CTBS: variants seen among roughly 807,000 people sequenced by gnomAD.
CTBS encodes the protein di-N-acetylchitobiase.
In CTBS, 35 loss-of-function variants were observed where a neutral mutation model predicts 44.3. The ratio of observed to expected loss-of-function variants is 0.79; its 90% CI spans 0.60 to 1.05. The LOEUF (loss-of-function observed/expected upper bound fraction) is 1.05. CTBS is among the 50% of genes least tolerant of loss of function. The pLI is 0.00. For synonymous variants in CTBS, 143 were observed against 168.0 expected (o/e 0.85, Z 1.15); for missense variants, 458 against 475.3 (o/e 0.96, Z 0.34).
rs1199911036 is a variant in CTBS at position 84,561,920 on chromosome 1, A to C, written c.957+1337T>G. On this transcript the variant is annotated intron_variant, in intron 6 of 6. Coordinates refer to ENST00000370630, the MANE Select transcript of CTBS (RefSeq NM_004388.3). Reference sequence around the variant, plus strand: ...TTTTATATGCACAGGGAAACAAAAAATTCATGTCACTTGCTTTATTGCTAT... The same window carrying C: ...TTTTATATGCACAGGGAAACAAAAACTTCATGTCACTTGCTTTATTGCTAT... 4.6e-5 allele frequency among the ~76,000 whole-genome samples: 7 copies of C among 152,320 alleles called. 1 individual carries two copies. The East Asian group carries it at 1.4e-3, about 29-fold the overall frequency.
intron 3 of CTBS, 45 bp downstream of exon 3, chr1:84,569,886 T>G (rs753580679): frequency 6.8e-7 from 1 of 1,460,278 alleles, no homozygotes; most frequent in Non-Finnish European, 9.5e-7. Flanking sequence ...GAGTATATTC[T>G]GATATGGAAA....
At chr1:84,573,940 T>C in intron 1 of CTBS, 1 of 1,299,022 alleles carries the variant, frequency 7.7e-7, no homozygotes, top group Non-Finnish European at 9.8e-7. Context: ...ACACCCAGAG[T>C]GCTTCCGCAG....
chr1:84,567,280 ATTTG>A (rs1159444738), intron 3 of CTBS, among the ~76,000 whole-genome samples: 2 of 152,330 alleles, frequency 1.3e-5, no homozygotes, highest in African/African-American at 4.8e-5. Flanking sequence ...ATTATTACAT[ATTTG>A]TTCCTATTTT....
At position 84,567,216 on chromosome 1, in the gene CTBS, T is replaced by C. The variant is rs184250955; in HGVS notation, c.526-1204A>G. Among the ~76,000 whole-genome samples, 154 of 152,332 alleles carry C rather than the reference T, an allele frequency of 1.0e-3. 1 individual carries two copies. The highest frequency in any genetic ancestry group is 3.6e-3 in the African/African-American group (150 of 41,588). On this transcript the variant is annotated intron_variant, in intron 3 of 6. Transcript: ENST00000370630. ...TATAATTCCGTGAATATTAGCACTT[T>C]ATAATTATAAGCTTTGCTCAGTAGT... is the stretch of plus-strand genomic sequence containing the variant.
chr1:84,555,300 A>G, intron 6 of CTBS, 101 bp from the exon 7 acceptor site: 1 of 863,554 alleles, frequency 1.2e-6, no homozygotes, highest in Non-Finnish European at 1.7e-6. Context: ...GTAAGAGGGA[A>G]AAAAGTTTCC....
intron 1 of CTBS, among the ~76,000 whole-genome samples, chr1:84,572,098 T>C (rs184851323): frequency 7.2e-5 from 11 of 152,282 alleles, no homozygotes; most frequent in African/African-American, 2.4e-4. Flanking sequence ...TGGGAATCAA[T>C]TAGAGTTTTA....
intron 4 of CTBS, among the ~76,000 whole-genome samples, chr1:84,564,717 C>T (rs1023230898): frequency 1.1e-4 from 17 of 152,020 alleles, no homozygotes; most frequent in Non-Finnish European, 1.9e-4. Context: ...ATAATTACTT[C>T]GTAATTTTAA....
Position 84,557,569 on chromosome 1 carries a change from A to G in CTBS, c.958-2370T>C, listed in dbSNP as rs952888493. On this transcript the variant is annotated intron_variant, in intron 6 of 6. Coordinates refer to ENST00000370630, the MANE Select transcript of CTBS (RefSeq NM_004388.3). The stretch of plus-strand genomic sequence containing the variant: ...AAAAAAAAAAGAAAAAAAAAAAAAG[A>G]AGGAGGCTGGGCGCGGTGGCTCACA... Among the ~76,000 whole-genome samples the G allele has an allele frequency of 6.4e-5, 9 of 140,898 alleles. No individual in the cohort carries two copies. In the East Asian group the frequency reaches 6.5e-4, roughly 10 times the overall value. 92.4% of individuals were successfully genotyped at this position (140,898 alleles called of 152,430 possible).
intron 3 of CTBS, chr1:84,566,289 G>A (rs143061732): frequency 3.5e-5 from 6 of 170,764 alleles, no homozygotes; most frequent in Non-Finnish European, 7.4e-5. Flanking sequence ...GTCTTCAAAC[G>A]CTAGGCTGGT....
chr1:84,570,462 T>C, intron 2 of CTBS, 120 bp downstream of exon 2: 1 of 810,334 alleles, frequency 1.2e-6, no homozygotes, highest in Non-Finnish European at 2.0e-6. Context: ...CTAAGATTAA[T>C]TATAGGATCC....
chr1:84,570,758 GAAT>G, intron 1 of CTBS, 38 bp from the exon 2 acceptor site: 2 of 1,600,912 alleles, frequency 1.2e-6, no homozygotes, highest in Non-Finnish European at 1.7e-6. Context: ...TTTAAACCAA[GAAT>G]ATTATGCTGA....
intron 6 of CTBS, among the ~76,000 whole-genome samples, chr1:84,562,297 A>G (rs145874152): frequency 2.2e-4 from 34 of 152,352 alleles, no homozygotes; most frequent in African/African-American, 7.0e-4. Flanking sequence ...AGACTAATAT[A>G]AACACTGTTT....
intron 6 of CTBS, among the ~76,000 whole-genome samples, chr1:84,560,398 C>G (rs79504184): frequency 2.7e-4 from 41 of 152,304 alleles, no homozygotes; most frequent in African/African-American, 9.9e-4. Context: ...TTTTCCCACT[C>G]AGTCTGTTTG....
Position 84,550,516 on chromosome 1 carries a change from ATAG to A in CTBS, c.*4480_*4482del. 1.3e-6 allele frequency: 2 copies of A among 1,546,430 alleles called. No individual in the cohort carries two copies. Among genetic ancestry groups the A allele is most frequent in the South Asian group, 1.2e-5 (1 of 80,564 alleles). The stretch of plus-strand genomic sequence containing the variant: ...ACTAGATACTGACAAAATGAAACTC[ATAG>A]TAGAAGTTAAGGTAATTTACATTTT... On this transcript the variant is annotated 3_prime_UTR_variant, in exon 7 of 7. Coordinates refer to ENST00000370630, the MANE Select transcript of CTBS (RefSeq NM_004388.3).
rs1684718792 is a variant in CTBS, at chr1:84,567,261, T to C, written c.526-1249A>G. Among the ~76,000 whole-genome samples the C allele has an allele frequency of 2.0e-5, 3 of 152,220 alleles. No homozygotes were observed. In the South Asian group the frequency reaches 6.2e-4, roughly 32 times the overall value. On this transcript the variant is annotated intron_variant, in intron 3 of 6. Coordinates refer to ENST00000370630, the MANE Select transcript of CTBS (RefSeq NM_004388.3). Reference sequence around the variant, plus strand: ...AGTAGTTTTCCAACAAAATAAGTTATGAAATAAAATTATTACATATTTGTT... The same window carrying C: ...AGTAGTTTTCCAACAAAATAAGTTACGAAATAAAATTATTACATATTTGTT...
chr1:84,553,278 A>G lies in CTBS; in HGVS notation c.*1721T>C. On this transcript the variant is annotated 3_prime_UTR_variant, in exon 7 of 7. Transcript: ENST00000370630. ...TGGGTATTACAAAATGTTTCAGGAA[A>G]TATTAGATGTAATATAAAGCAAAAT... The G allele has an allele frequency of 4.2e-6, 2 of 470,732 alleles. No individual in the cohort carries two copies. The highest frequency in any genetic ancestry group is 1.1e-3 in the Middle Eastern group (2 of 1,740). The allele number at this position is 470,732 out of a possible 1,614,324, so 29.2% of individuals were successfully genotyped here. A position where few individuals can be genotyped will look rare whatever the true frequency, so the allele number is the denominator to read the frequency against.
intron 6 of CTBS, among the ~76,000 whole-genome samples, chr1:84,557,566 AAG>A (rs1353236450): frequency 1.3e-5 from 2 of 149,832 alleles, no homozygotes; most frequent in African/African-American, 2.5e-5. Flanking sequence ...AAAAAAAAAA[AAG>A]AAGGAGGCTG....
chr1:84,551,583 C>T lies in CTBS; in HGVS notation c.*3416G>A, dbSNP rs1684273525. 6.6e-6 allele frequency: 1 copy of T among 152,124 alleles called. No homozygotes were observed. Among genetic ancestry groups the T allele is most frequent in the South Asian group, 2.1e-4 (1 of 4,828 alleles). 9.4% of individuals were successfully genotyped at this position (152,124 alleles called of 1,614,324 possible). ...ATTTAAGTTTAGTAGTTACATATGG[C>T]AACTGGCTTCTACTATACTGGACAG... On this transcript the variant is annotated 3_prime_UTR_variant, in exon 7 of 7. Transcript: ENST00000370630.
chr1:84,567,325 A>G (rs566646123), intron 3 of CTBS, among the ~76,000 whole-genome samples: 1 of 152,332 alleles, frequency 6.6e-6, no homozygotes, highest in South Asian at 2.1e-4. Flanking sequence ...AATGAGAGGT[A>G]TATTATAGTA....
Sources: allele counts gnomAD v4.1 joint callset (sites outside exome capture counted in the v4.1 genomes callset), GRCh38; gene constraint gnomAD v4.1.1; transcripts MANE v1.5; gene names NCBI Gene and HGNC (gene_info 2026-07-23, HGNC 2026-07-21).